The following ELP2 variants were observed in gnomAD, a reference collection of about 807,000 sequenced individuals.
The protein encoded by ELP2 is elongator complex protein 2.
In ELP2, 90 loss-of-function variants were observed where a neutral mutation model predicts 119.2. The ratio of observed to expected loss-of-function variants is 0.75; its 90% CI spans 0.64 to 0.90. The LOEUF is 0.90. ELP2 is among the 40% of genes least tolerant of loss of function. ELP2 has a pLI of 0.00. For synonymous variants in ELP2, 339 were observed against 331.0 expected, an observed-to-expected ratio of 1.02 and a Z score of -0.26; for missense variants, 921 against 967.8, an observed-to-expected ratio of 0.95 and a Z score of 0.64.
chr18:36,141,012 C>T (rs1567982036), intron 5 of ELP2, 125 bp from the exon 6 acceptor site: 8 of 788,526 alleles, frequency 1.0e-5, no homozygotes, highest in Admixed American at 3.6e-5. Flanking sequence ...TTCAATTATT[C>T]GTGTAGTGGT....
chr18:36,150,400 T>C (rs945626240), intron 11 of ELP2, among the ~76,000 whole-genome samples: 9 of 152,236 alleles, frequency 5.9e-5, no homozygotes, highest in African/African-American at 2.2e-4. Flanking sequence ...CGTTTTATTA[T>C]GGAACTCTTC....
rs777055914 is a variant in ELP2, at chr18:36,154,946, A to T, written c.1222A>T (p.Thr408Ser). The change falls in exon 12 of 22, where the codon ACT (threonine) becomes TCT (serine). Residue 408 changes from threonine (T) to serine (S), a missense_variant. Thr to Ser is a moderately conservative substitution (Grantham distance 58). Transcript: ENST00000358232. ...AGGAGAATTTATTATCACTGTTGGT[A>T]CTGATCAGACAACTAGACTTTTTGC... ...PEGEFIITVG[T>S]DQTTRLFAPW... 1 of 1,613,270 alleles carries T rather than the reference A, an allele frequency of 6.2e-7. No homozygotes were observed. The highest frequency in any genetic ancestry group is 1.7e-5 in the Admixed American group (1 of 60,026).
At chr18:36,151,455 GGGAGAC>G (rs1393180653) in intron 11 of ELP2, among the ~76,000 whole-genome samples, 4 of 152,042 alleles carry the variant, frequency 2.6e-5, no homozygotes, top group Non-Finnish European at 5.9e-5. Context: ...CTTTAATGTT[GGGAGAC>G]CAGGCGGGAC....
Position 36,158,861 on chromosome 18 carries a change from C to A in ELP2, c.1491C>A (p.Ala497=). The A allele has an allele frequency of 6.2e-7, 1 of 1,610,378 alleles. No homozygotes were observed. Among genetic ancestry groups the A allele is most frequent in the Non-Finnish European group, 8.5e-7 (1 of 1,176,674 alleles). Residue 497 remains alanine (A), a synonymous_variant, in exon 14 of 22, where the codon GCC becomes GCA. Coordinates refer to ENST00000358232, the MANE Select transcript of ELP2 (RefSeq NM_018255.4). ...AAGATAGTGATCTTCCAGAAGGAGC[C>A]ACTGTCCCTGCATTGGGATTATCAA... ...CNQDSDLPEG[A]TVPALGLSNK...
chr18:36,136,425 G>GT (rs1400033634), intron 3 of ELP2, 48 bp downstream of exon 3: 18 of 1,465,836 alleles, frequency 1.2e-5, no homozygotes, highest in Non-Finnish European at 1.6e-5. Context: ...TTGTTCATTT[G>GT]TTTTTTAAGA....
chr18:36,169,851 T>C (rs1390071222), intron 19 of ELP2: 4 of 612,224 alleles, frequency 6.5e-6, no homozygotes, highest in Non-Finnish European at 1.2e-5. Context: ...TGGACCAAGG[T>C]GAGCTCTCGG....
In ELP2 at chr18:36,166,319, G is replaced by GTTTTTTT. The variant is rs60477950; in HGVS notation, c.1955-760_1955-754dup. On this transcript the variant is annotated intron_variant, in intron 18 of 21. Transcript: ENST00000358232. ...AGTTATGTGGTTTTTGTTTTTTAGGGTTTTTTTTTTTTTTTTTTTTTTTTT... is the reference window on the plus strand; with the variant it reads ...AGTTATGTGGTTTTTGTTTTTTAGGGTTTTTTTTTTTTTTTTTTTTTTTTTTTTTTTT... Among the ~76,000 whole-genome samples, 36 of 71,692 alleles carry GTTTTTTT rather than the reference G, an allele frequency of 5.0e-4. 8 individuals carry two copies. Among genetic ancestry groups the GTTTTTTT allele is most frequent in the African/African-American group, 1.7e-3 (30 of 17,968 alleles). The allele number at this position is 71,692 out of a possible 152,430, so 47.0% of individuals were successfully genotyped here. A position where few individuals can be genotyped will look rare whatever the true frequency, so the allele number is the denominator to read the frequency against.
rs558051430 is a variant in ELP2 at position 36,142,499 on chromosome 18, G to C, written c.655+152G>C. The C allele has an allele frequency of 2.1e-5, 15 of 698,030 alleles. No homozygotes were observed. The East Asian group carries it at 4.0e-4, about 18-fold the overall frequency. 43.2% of individuals were successfully genotyped at this position (698,030 alleles called of 1,614,324 possible). ...AGAAAGGAGGATGCTTATCTCTTCT[G>C]TTGTTAGTTGGATGGTAGATGATTA... On this transcript the variant is annotated intron_variant, in intron 7 of 21. Transcript: ENST00000358232.
At position 36,166,280 on chromosome 18, in the gene ELP2, C is replaced by G. The variant is rs144126195; in HGVS notation, c.1955-821C>G. 7.7e-3 allele frequency among the ~76,000 whole-genome samples: 1,147 copies of G among 149,500 alleles called. 4 individuals are homozygous for G. The highest frequency in any genetic ancestry group is 0.011 in the Non-Finnish European group (764 of 67,512). ...GAGTAATAATAGATACGCTCTTATT[C>G]CCTCCTCATAAACAGTTATGTGGTT... On this transcript the variant is annotated intron_variant, in intron 18 of 21. Coordinates refer to ENST00000358232, the MANE Select transcript of ELP2 (RefSeq NM_018255.4).
Position 36,164,813 on chromosome 18 carries a change from G to A in ELP2, c.1954+146G>A, listed in dbSNP as rs911944709. On this transcript the variant is annotated intron_variant, in intron 18 of 21. Coordinates refer to ENST00000358232, the MANE Select transcript of ELP2 (RefSeq NM_018255.4). ...AGCCTTTCAAAGTTCTTGGATAACT[G>A]AGGAAGACTTGACCTTCCTTGTAAG... The A allele has an allele frequency of 4.2e-5, 32 of 753,162 alleles. No homozygotes were observed. In the African/African-American group the frequency reaches 5.4e-4, roughly 13 times the overall value. 46.7% of individuals were successfully genotyped at this position (753,162 alleles called of 1,614,324 possible). A position where few individuals can be genotyped will look rare whatever the true frequency, so the allele number is the denominator to read the frequency against.
chr18:36,160,824 T>C, intron 16 of ELP2, 108 bp from the exon 17 acceptor site: 6 of 737,450 alleles, frequency 8.1e-6, no homozygotes, highest in African/African-American at 1.8e-5. Context: ...CTTAAAAGAA[T>C]TGTATATTAG....
chr18:36,170,737 A>C, intron 20 of ELP2: 1 of 414,512 alleles, frequency 2.4e-6, no homozygotes, highest in Non-Finnish European at 4.4e-6. Context: ...ACTTCACCAA[A>C]TCTAGGACTA....
At chr18:36,143,839 T>C (rs2090118042) in intron 8 of ELP2, among the ~76,000 whole-genome samples, 1 of 152,248 alleles carries the variant, frequency 6.6e-6, no homozygotes, top group Non-Finnish European at 1.5e-5. Flanking sequence ...ATTTGTAAAA[T>C]ATTACTAAAT....
In ELP2 at chr18:36,172,392, A is replaced by G. The variant is rs188765857; in HGVS notation, c.2324+1232A>G. ...TCAAATAGCAATTTCAAATGACAAT[A>G]TGATGAGGGTGAGTGCTTAATGGAG... On this transcript the variant is annotated intron_variant, in intron 21 of 21. Transcript: ENST00000358232. Among the ~76,000 whole-genome samples the G allele has an allele frequency of 2.4e-4, 37 of 152,366 alleles. 2 individuals are homozygous for G. The highest frequency in any genetic ancestry group is 2.2e-3 in the Admixed American group (34 of 15,302).
intron 2 of ELP2, among the ~76,000 whole-genome samples, chr18:36,136,064 A>G (rs1293488601): frequency 6.6e-6 from 1 of 152,182 alleles, no homozygotes; most frequent in Non-Finnish European, 1.5e-5. Context: ...TAGGAGATAT[A>G]TGGTCTTTGA....
chr18:36,166,319 G>GTT lies in ELP2; in HGVS notation c.1955-755_1955-754dup, dbSNP rs60477950. ...AGTTATGTGGTTTTTGTTTTTTAGG[G>GTT]TTTTTTTTTTTTTTTTTTTTTTTTT... On this transcript the variant is annotated intron_variant, in intron 18 of 21. Transcript: ENST00000358232. Among the ~76,000 whole-genome samples the GTT allele has an allele frequency of 3.6e-3, 258 of 71,686 alleles. 38 individuals are homozygous for GTT. The highest frequency in any genetic ancestry group is 8.6e-3 in the African/African-American group (154 of 17,962). 47.0% of individuals were successfully genotyped at this position (71,686 alleles called of 152,430 possible). A position where few individuals can be genotyped will look rare whatever the true frequency, so the allele number is the denominator to read the frequency against.
Position 36,164,475 on chromosome 18 carries a change from G to T in ELP2, c.1762G>T (p.Ala588Ser). The change falls in exon 18 of 22, where the codon GCA (alanine) becomes TCA (serine). Residue 588 changes from alanine to serine, a missense_variant and splice_region_variant. By Grantham distance (99) the Ala-to-Ser change is moderately conservative (BLOSUM62 1). Coordinates refer to ENST00000358232, the MANE Select transcript of ELP2 (RefSeq NM_018255.4). The stretch of plus-strand genomic sequence containing the variant: ...TCATTGTTTCATCTCTGTCCTATAG[G>T]CAGCTAAGAAAGAGCATGCAGCTAT... ...SKTLLASACK[A>S]AKKEHAAIIL... 1 of 1,613,560 alleles carries T rather than the reference G, an allele frequency of 6.2e-7. No individual in the cohort carries two copies. Among genetic ancestry groups the T allele is most frequent in the Non-Finnish European group, 8.5e-7 (1 of 1,179,618 alleles).
chr18:36,176,998 G>A lies in ELP2; in HGVS notation c.*2357G>A, dbSNP rs1258683988. 1 of 152,158 alleles carries A rather than the reference G, an allele frequency of 6.6e-6. No individual in the cohort carries two copies. Among genetic ancestry groups the A allele is most frequent in the East Asian group, 1.9e-4 (1 of 5,198 alleles). The allele number at this position is 152,158 out of a possible 1,614,324, so 9.4% of individuals were successfully genotyped here. A position where few individuals can be genotyped will look rare whatever the true frequency, so the allele number is the denominator to read the frequency against. ...GTGTTGTGTGTGTATGTGTGCGTTT[G>A]AGGCTATATTACTCATTGCTACGGC... On this transcript the variant is annotated 3_prime_UTR_variant, in exon 22 of 22. Transcript: ENST00000358232.
In ELP2 at chr18:36,171,242, A is replaced by G. The variant is rs2091073052; in HGVS notation, c.2324+82A>G. On this transcript the variant is annotated intron_variant, in intron 21 of 21. Transcript: ENST00000358232. Reference sequence around the variant, plus strand: ...ATGGCAAATTTTATGCCACATTTTCATGGAGAGGGACATATATCTGTATTC... The same window carrying G: ...ATGGCAAATTTTATGCCACATTTTCGTGGAGAGGGACATATATCTGTATTC... 4.5e-6 allele frequency: 4 copies of G among 881,262 alleles called. No individual in the cohort carries two copies. The Admixed American group carries it at 7.7e-5, about 17-fold the overall frequency. 54.6% of individuals were successfully genotyped at this position (881,262 alleles called of 1,614,324 possible).
Sources: gnomAD v4.1 joint callset for allele counts (sites outside exome capture counted in the v4.1 genomes callset) on GRCh38, gnomAD v4.1.1 for gene constraint, MANE v1.5 for transcripts, NCBI Gene and HGNC (gene_info 2026-07-23, HGNC 2026-07-21) for gene names.